The following ADCY5 variants were observed in gnomAD, a reference collection of about 807,000 sequenced individuals.
The protein encoded by ADCY5 is adenylate cyclase type 5.
In ADCY5, 30 loss-of-function variants were observed where a neutral mutation model predicts 119.7. The observed-to-expected ratio is 0.25, with a 90% confidence interval of 0.19 to 0.34. The LOEUF (loss-of-function observed/expected upper bound fraction) is 0.34. Among genes scored for constraint, ADCY5 ranks in the 10% least tolerant of loss-of-function variants. The pLI is 1.00. For missense variants in ADCY5, 1,324 were observed against 1,775.2 expected (o/e 0.75, Z 4.57); for synonymous variants, 753 against 762.2 (o/e 0.99, Z 0.20).
At chr3:123,359,927 G>C (rs1943188351) in intron 1 of ADCY5, among the ~76,000 whole-genome samples, 1 of 152,120 alleles carries the variant, frequency 6.6e-6, no homozygotes, top group South Asian at 2.1e-4. Flanking sequence ...GGGAAGCTCA[G>C]GGAACCTCAG....
intron 4 of ADCY5, among the ~76,000 whole-genome samples, chr3:123,331,973 TC>T (rs1941785831): frequency 6.6e-6 from 1 of 151,970 alleles, no homozygotes; most frequent in Non-Finnish European, 1.5e-5. Context: ...ATTTAATCAC[TC>T]TACAAAGGCC....
chr3:123,296,265 C>T lies in ADCY5; in HGVS notation c.2931-49G>A, dbSNP rs374609115. 319 of 1,592,926 alleles carry T rather than the reference C, an allele frequency of 2.0e-4. 2 individuals carry two copies. Among genetic ancestry groups the T allele is most frequent in the Middle Eastern group, 1.2e-3 (7 of 6,010 alleles). ...CTGAGACGGCCGTGGCTCCTCACAG[C>T]GGGCTCTGAGGACCCCACCCCCACC... On this transcript the variant is annotated intron_variant, in intron 16 of 20. Transcript: ENST00000462833.
At chr3:123,442,948 G>A (rs904074653) in intron 1 of ADCY5, among the ~76,000 whole-genome samples, 18 of 152,220 alleles carry the variant, frequency 1.2e-4, no homozygotes, top group African/African-American at 3.6e-4. Flanking sequence ...CTGCTGCTGC[G>A]CTGGGGTTGA....
intron 1 of ADCY5, among the ~76,000 whole-genome samples, chr3:123,363,298 C>T (rs61155957): frequency 0.069 from 10,512 of 151,910 alleles, 895 homozygotes; most frequent in East Asian, 0.26. Context: ...ACAATAAAAG[C>T]AGTATTTTAC....
chr3:123,395,543 G>T (rs1944514671), intron 1 of ADCY5, among the ~76,000 whole-genome samples: 1 of 152,118 alleles, frequency 6.6e-6, no homozygotes, highest in South Asian at 2.1e-4. Context: ...CACTGTCTCA[G>T]CACCTGGTGG....
chr3:123,419,938 C>T (rs1259659639), intron 1 of ADCY5, among the ~76,000 whole-genome samples: 1 of 152,134 alleles, frequency 6.6e-6, no homozygotes, highest in African/African-American at 2.4e-5. Context: ...CCCCCCCACC[C>T]CTCCACCCAG....
chr3:123,334,786 T>A (rs1183239915), intron 3 of ADCY5, among the ~76,000 whole-genome samples: 1 of 152,020 alleles, frequency 6.6e-6, no homozygotes, highest in Non-Finnish European at 1.5e-5. Flanking sequence ...CAAATGATAA[T>A]TGTATATATT....
chr3:123,360,791 A>G (rs1008124634), intron 1 of ADCY5, among the ~76,000 whole-genome samples: 14 of 152,242 alleles, frequency 9.2e-5, no homozygotes, highest in African/African-American at 3.4e-4. Context: ...AGAAAGACAA[A>G]TATCTAGGAA....
intron 12 of ADCY5, among the ~76,000 whole-genome samples, chr3:123,304,649 C>T (rs1357965162): frequency 2.0e-5 from 3 of 151,856 alleles, no homozygotes; most frequent in Non-Finnish European, 4.4e-5. Context: ...CCTCTGGGCT[C>T]GGGAGGAGGG....
chr3:123,311,815 G>C (rs1289049094), intron 12 of ADCY5, among the ~76,000 whole-genome samples: 2 of 152,140 alleles, frequency 1.3e-5, no homozygotes, highest in African/African-American at 2.4e-5. Context: ...TGTGTGGCCT[G>C]GGGGTAGAGG....
At chr3:123,412,805 A>G (rs1279633872) in intron 1 of ADCY5, among the ~76,000 whole-genome samples, 1 of 150,686 alleles carries the variant, frequency 6.6e-6, no homozygotes, top group African/African-American at 2.5e-5. Context: ...AACAAAACAA[A>G]CAAACAATGA....
intron 1 of ADCY5, among the ~76,000 whole-genome samples, chr3:123,367,140 T>C (rs780930595): frequency 9.9e-5 from 15 of 152,142 alleles, no homozygotes; most frequent in Non-Finnish European, 2.2e-4. Context: ...CCATGGGGAA[T>C]CCCAGAGGAA....
Position 123,286,751 on chromosome 3 carries a change from G to A in ADCY5, c.3591C>T (p.Asp1197=). 2 of 1,613,708 alleles carry A rather than the reference G, an allele frequency of 1.2e-6. No individual in the cohort carries two copies. The highest frequency in any genetic ancestry group is 1.7e-6 in the Non-Finnish European group (2 of 1,179,802). ...CCACGTTCACGGTATTGCCCCAGAT[G>A]TCGTACTGAGGCTTTCGTGCCCCTA... ...GVIGARKPQY[D]IWGNTVNVAS... Residue 1197 remains aspartate (D), a synonymous_variant, in exon 20 of 21, where the codon GAC becomes GAT. Transcript: ENST00000462833. This position sits in a 1 kb window ranked among gnomAD's most constrained non-coding sequence, Gnocchi z 4.2.
intron 1 of ADCY5, among the ~76,000 whole-genome samples, chr3:123,364,233 A>G (rs758292365): frequency 9.2e-5 from 14 of 152,372 alleles, no homozygotes; most frequent in Non-Finnish European, 1.9e-4. Context: ...AAACTTACAT[A>G]AAGAAAGAAA....
At position 123,334,430 on chromosome 3, in the gene ADCY5, T is replaced by C. The variant is rs796597507; in HGVS notation, c.1407-1755A>G. On this transcript the variant is annotated intron_variant, in intron 3 of 20. Coordinates refer to ENST00000462833, the MANE Select transcript of ADCY5 (RefSeq NM_183357.3). The stretch of plus-strand genomic sequence containing the variant: ...TTTGTCCTTTTATTCTAAAAATGTG[T>C]ATTGGTACATTAAGCATGTCTTTTT... Among the ~76,000 whole-genome samples the C allele has an allele frequency of 2.6e-5, 4 of 152,348 alleles. No individual in the cohort carries two copies. The East Asian group carries it at 5.8e-4, about 22-fold the overall frequency.
At chr3:123,439,560 C>T (rs905687364) in intron 1 of ADCY5, among the ~76,000 whole-genome samples, 1 of 152,204 alleles carries the variant, frequency 6.6e-6, no homozygotes, top group Admixed American at 6.5e-5. Context: ...TAAACTTTAT[C>T]ACAAGTATAG....
intron 3 of ADCY5, among the ~76,000 whole-genome samples, chr3:123,334,712 TGGGTGA>T: frequency 6.6e-6 from 1 of 152,300 alleles, no homozygotes; most frequent in East Asian, 1.9e-4. Flanking sequence ...CACTCCAGCC[TGGGTGA>T]CAGAGCTAGA....
In ADCY5 at chr3:123,347,910, A is replaced by G; in HGVS notation, c.1285-7T>C. On this transcript the variant is annotated splice_polypyrimidine_tract_variant and splice_region_variant and intron_variant, in intron 2 of 20. Transcript: ENST00000462833. ...CAGACAGCAGGAGCCGTTCCTGCAG[A>G]GGGAAGCACATGCTTTCATCACCAC... is the stretch of plus-strand genomic sequence containing the variant. 1 of 1,614,056 alleles carries G rather than the reference A, an allele frequency of 6.2e-7. No individual in the cohort carries two copies. Among genetic ancestry groups the G allele is most frequent in the Non-Finnish European group, 8.5e-7 (1 of 1,179,976 alleles).
chr3:123,374,453 T>C (rs900728261), intron 1 of ADCY5, among the ~76,000 whole-genome samples: 1 of 152,196 alleles, frequency 6.6e-6, no homozygotes. Flanking sequence ...TGTGCAGGTA[T>C]AGCCTCATCT....
Sources: allele counts gnomAD v4.1 joint callset (sites outside exome capture counted in the v4.1 genomes callset), GRCh38; gene constraint gnomAD v4.1.1; non-coding constraint Gnocchi (gnomAD v3.1); transcripts MANE v1.5; gene names NCBI Gene and HGNC (gene_info 2026-07-23, HGNC 2026-07-21).